RIN2: variants seen among roughly 807,000 people sequenced by gnomAD.
RIN2 encodes RAB5 interacting protein 2.
RIN2 carries 36 observed loss-of-function variants against 78.0 expected under a neutral mutation model. The ratio of observed to expected loss-of-function variants is 0.46; its 90% confidence interval spans 0.35 to 0.61. RIN2 has a LOEUF of 0.61. Ranked by LOEUF, RIN2 falls within the 20% of genes least tolerant of loss-of-function variation. RIN2 has a pLI of 0.00. For synonymous variants in RIN2, 466 were observed against 466.8 expected, an observed-to-expected ratio of 1.00 and a Z score of 0.02; for missense variants, 1,087 against 1,159.7, an observed-to-expected ratio of 0.94 and a Z score of 0.91.
intron 2 of RIN2, among the ~76,000 whole-genome samples, chr20:19,859,105 A>G (rs985749609): frequency 1.1e-4 from 17 of 152,226 alleles, no homozygotes; most frequent in African/African-American, 3.4e-4. Flanking sequence ...AGGCCCTTCC[A>G]GGGGGTCATA....
At chr20:19,969,391 G>A (rs2042036039) in intron 7 of RIN2, among the ~76,000 whole-genome samples, 1 of 152,082 alleles carries the variant, frequency 6.6e-6, no homozygotes, top group South Asian at 2.1e-4. Flanking sequence ...CAGGGCCTTT[G>A]CACCTGCTGC....
chr20:19,938,050 A>G (rs1473591269), intron 4 of RIN2, among the ~76,000 whole-genome samples: 2 of 151,960 alleles, frequency 1.3e-5, no homozygotes, highest in African/African-American at 2.4e-5. Context: ...TTTTTGGGAC[A>G]TTTGCTTGGC....
At chr20:19,996,947 G>T (rs957725685) in intron 12 of RIN2, 105 bp downstream of exon 12, 3 of 1,206,376 alleles carry the variant, frequency 2.5e-6, no homozygotes, top group African/African-American at 1.5e-5. Flanking sequence ...GAATTATTTG[G>T]CAGGAAAGGG....
chr20:19,862,593 AAAACAAACAAAC>A (rs58548710), intron 2 of RIN2, among the ~76,000 whole-genome samples: 88 of 152,036 alleles, frequency 5.8e-4, no homozygotes, highest in African/African-American at 2.1e-3. Context: ...ACTCCGTCTC[AAAACAAACAAAC>A]AAACAAACAA....
chr20:19,970,782 C>A, intron 7 of RIN2, 56 bp from the exon 8 acceptor site: 3 of 1,338,932 alleles, frequency 2.2e-6, no homozygotes, highest in Non-Finnish European at 3.2e-6. Flanking sequence ...AAAATAAACA[C>A]AAGATAGAAA....
chr20:19,857,377 T>C (rs1186701859), intron 2 of RIN2, among the ~76,000 whole-genome samples: 1 of 152,192 alleles, frequency 6.6e-6, no homozygotes, highest in Non-Finnish European at 1.5e-5. Flanking sequence ...TGTATTATTT[T>C]CATATTGATG....
intron 4 of RIN2, among the ~76,000 whole-genome samples, chr20:19,952,802 G>T (rs935230051): frequency 6.6e-6 from 1 of 152,138 alleles, no homozygotes; most frequent in East Asian, 1.9e-4. Flanking sequence ...TTATTTAGTC[G>T]CCAAGAATTC....
intron 2 of RIN2, among the ~76,000 whole-genome samples, chr20:19,814,929 T>C (rs1461932949): frequency 6.6e-6 from 1 of 152,196 alleles, no homozygotes; most frequent in African/African-American, 2.4e-5. Context: ...CTTGGCCATT[T>C]CTGGTGTTAG....
intron 2 of RIN2, among the ~76,000 whole-genome samples, chr20:19,810,866 G>T (rs12480422): frequency 0.16 from 22,458 of 141,940 alleles, 2,457 homozygotes; most frequent in African/African-American, 0.33. Flanking sequence ...GCTAAATTTT[G>T]TGTGTGTGTG....
intron 2 of RIN2, among the ~76,000 whole-genome samples, chr20:19,849,566 A>G (rs1402139688): frequency 6.6e-6 from 1 of 152,184 alleles, no homozygotes; most frequent in African/African-American, 2.4e-5. Context: ...CTGTGGATAC[A>G]GCTGCGTTGA....
At chr20:19,851,074 AAGGAAGGAAGGT>A (rs1568815268) in intron 2 of RIN2, among the ~76,000 whole-genome samples, 5 of 150,910 alleles carry the variant, frequency 3.3e-5, no homozygotes, top group African/African-American at 9.7e-5. Flanking sequence ...GGAAGGAAGG[AAGGAAGGAAGGT>A]AGGAAGGAAG....
chr20:19,816,353 C>A (rs934609509), intron 2 of RIN2, among the ~76,000 whole-genome samples: 2 of 152,178 alleles, frequency 1.3e-5, no homozygotes, highest in African/African-American at 4.8e-5. Flanking sequence ...CATTTGATAT[C>A]ACCTAACCTG....
At chr20:19,853,020 C>T (rs1238880588) in intron 2 of RIN2, among the ~76,000 whole-genome samples, 4 of 149,442 alleles carry the variant, frequency 2.7e-5, no homozygotes, top group Admixed American at 6.7e-5. Context: ...TCTCCTAATG[C>T]TATGCCTCCC....
chr20:19,867,541 C>A (rs1301849370), intron 2 of RIN2, among the ~76,000 whole-genome samples: 1 of 152,128 alleles, frequency 6.6e-6, no homozygotes, highest in East Asian at 1.9e-4. Context: ...CTTTTAAGAC[C>A]TTTACGTTTT....
chr20:19,766,499 G>A (rs1487707394), intron 1 of RIN2, among the ~76,000 whole-genome samples: 3 of 152,080 alleles, frequency 2.0e-5, no homozygotes, highest in African/African-American at 7.2e-5. Flanking sequence ...CATACAGAAG[G>A]GGTACTTCAT....
intron 9 of RIN2, among the ~76,000 whole-genome samples, chr20:19,980,706 G>A (rs560143277): frequency 1.3e-5 from 2 of 152,280 alleles, no homozygotes; most frequent in African/African-American, 2.4e-5. Context: ...GCACACCTAT[G>A]TTTTTCCACC....
At chr20:19,926,109 G>A (rs568429001) in intron 3 of RIN2, among the ~76,000 whole-genome samples, 7 of 152,268 alleles carry the variant, frequency 4.6e-5, no homozygotes, top group Non-Finnish European at 1.0e-4. Context: ...AATTCCTTTG[G>A]TTGGAGAAAA....
At chr20:19,919,475 A>G (rs911175955) in intron 3 of RIN2, among the ~76,000 whole-genome samples, 4 of 152,178 alleles carry the variant, frequency 2.6e-5, no homozygotes, top group South Asian at 2.1e-4. Context: ...TTTTCTTGAT[A>G]CTATATAAAA....
In RIN2 at chr20:19,835,159, G is replaced by GAAGA. The variant is rs1292057294; in HGVS notation, c.-37+35414_-37+35415insGAAA. ...GGAAGGGAGGGAGGAAGGAAGGAAG[G>GAAGA]AATGAAGGGAAGAAGGAAGGGAGGG... On this transcript the variant is annotated intron_variant, in intron 2 of 12. Coordinates refer to ENST00000255006, the MANE Select transcript of RIN2 (RefSeq NM_018993.4). Among the ~76,000 whole-genome samples, 38 of 148,362 alleles carry GAAGA rather than the reference G, an allele frequency of 2.6e-4. No homozygotes were observed. The South Asian group carries it at 7.9e-3, about 31-fold the overall frequency.
Sources: allele counts gnomAD v4.1 joint callset (sites outside exome capture counted in the v4.1 genomes callset), GRCh38; gene constraint gnomAD v4.1.1; transcripts MANE v1.5; gene names NCBI Gene and HGNC (gene_info 2026-07-23, HGNC 2026-07-21).